Variants in CACNG5 observed in about 807,000 individuals in gnomAD.
CACNG5 encodes the protein calcium voltage-gated channel auxiliary subunit gamma 5.
CACNG5 carries 18 observed loss-of-function variants against 24.8 expected under a neutral mutation model. The observed-to-expected ratio is 0.73, with a 90% CI of 0.50 to 1.08. The LOEUF (loss-of-function observed/expected upper bound fraction) is 1.08, where lower values mean the gene tolerates loss of function less well. CACNG5 is among the 50% of genes least tolerant of loss of function. The pLI is 0.00. For missense variants in CACNG5, 349 were observed against 367.9 expected, an observed-to-expected ratio of 0.95 and a Z score of 0.42; for synonymous variants, 157 against 149.1, an observed-to-expected ratio of 1.05 and a Z score of -0.39.
rs1354776442 is a variant in CACNG5, at chr17:66,891,060, G to A, written c.*5820G>A. Among the ~76,000 whole-genome samples the A allele has an allele frequency of 6.6e-6, 1 of 152,196 alleles. No homozygotes were observed. Among genetic ancestry groups the A allele is most frequent in the African/African-American group, 2.4e-5 (1 of 41,440 alleles). On this transcript the variant is annotated 3_prime_UTR_variant, in exon 6 of 6. Coordinates refer to ENST00000533854, the MANE Select transcript of CACNG5 (RefSeq NM_145811.3). ...AATTCTGCTGCCTTTATCCACGAGTGGGTAGCAAGATGGCAACAGTGATTC... is the reference window on the plus strand; with the variant it reads ...AATTCTGCTGCCTTTATCCACGAGTAGGTAGCAAGATGGCAACAGTGATTC...
At position 66,892,289 on chromosome 17, in the gene CACNG5, C is replaced by T. The variant is rs1358018508; in HGVS notation, c.*7049C>T. 6.6e-6 allele frequency among the ~76,000 whole-genome samples: 1 copy of T among 150,672 alleles called. No homozygotes were observed. The highest frequency in any genetic ancestry group is 1.5e-5 in the Non-Finnish European group (1 of 67,598). On this transcript the variant is annotated 3_prime_UTR_variant, in exon 6 of 6. Coordinates refer to ENST00000533854, the MANE Select transcript of CACNG5 (RefSeq NM_145811.3). ...ATGCCCAGCCCTTCTGCCTCTGAGC[C>T]CTTTCCCCAAGGAGCTGGTATTCAC... is the stretch of plus-strand genomic sequence containing the variant.
intron 1 of CACNG5, among the ~76,000 whole-genome samples, chr17:66,843,013 G>C (rs1397515364): frequency 6.6e-6 from 1 of 152,202 alleles, no homozygotes; most frequent in African/African-American, 2.4e-5. Context: ...TGATGTGTTA[G>C]GACATTTCCG....
chr17:66,858,452 C>T (rs66661540), intron 1 of CACNG5, among the ~76,000 whole-genome samples: 18,035 of 152,110 alleles, frequency 0.12, 1,317 homozygotes, highest in African/African-American at 0.19. Context: ...CTCCTCAACT[C>T]GCAGGACTAA....
intron 1 of CACNG5, among the ~76,000 whole-genome samples, chr17:66,846,572 C>T (rs773429275): frequency 6.6e-6 from 1 of 152,166 alleles, no homozygotes; most frequent in Non-Finnish European, 1.5e-5. Context: ...TGCTTCCTTC[C>T]ATTTTATGGC....
At chr17:66,876,254 G>A (rs1568071101) in intron 1 of CACNG5, among the ~76,000 whole-genome samples, 2 of 152,176 alleles carry the variant, frequency 1.3e-5, no homozygotes, top group Admixed American at 6.5e-5. Context: ...GGCCCCACTT[G>A]AGCTCAATTG....
chr17:66,875,334 C>G lies in CACNG5; in HGVS notation c.-103-1896C>G, dbSNP rs540563796. Among the ~76,000 whole-genome samples the G allele has an allele frequency of 1.6e-4, 24 of 152,288 alleles. No individual in the cohort carries two copies. The South Asian group carries it at 5.0e-3, about 32-fold the overall frequency. On this transcript the variant is annotated intron_variant, in intron 1 of 5. Transcript: ENST00000533854. The stretch of plus-strand genomic sequence containing the variant: ...TTCATTTCTCCCTCCTTTGTCAAAG[C>G]CAACACAGGAAGGATCATTGTGGCT...
rs1485088784 is a variant in CACNG5 at position 66,893,934 on chromosome 17, C to A, written c.*8694C>A. 6.6e-6 allele frequency among the ~76,000 whole-genome samples: 1 copy of A among 152,102 alleles called. No homozygotes were observed. Among genetic ancestry groups the A allele is most frequent in the Admixed American group, 6.5e-5 (1 of 15,274 alleles). On this transcript the variant is annotated 3_prime_UTR_variant, in exon 6 of 6. Transcript: ENST00000533854. The stretch of plus-strand genomic sequence containing the variant: ...TGTGTTAAATTAAGTCTGTCTGAGC[C>A]CCTATTCACCTGGGTGGTGAGAAAT...
chr17:66,859,803 C>T (rs372815516), intron 1 of CACNG5, among the ~76,000 whole-genome samples: 134 of 152,196 alleles, frequency 8.8e-4, no homozygotes, highest in African/African-American at 3.1e-3. Context: ...AAGAAACACT[C>T]GGTTACTTTC....
At chr17:66,844,506 T>G (rs928575202) in intron 1 of CACNG5, among the ~76,000 whole-genome samples, 3 of 152,220 alleles carry the variant, frequency 2.0e-5, no homozygotes, top group African/African-American at 7.2e-5. Context: ...CTCGATATAC[T>G]GATAGCCACT....
intron 4 of CACNG5, among the ~76,000 whole-genome samples, chr17:66,882,501 G>T (rs1203772194): frequency 6.6e-6 from 1 of 152,172 alleles, no homozygotes; most frequent in African/African-American, 2.4e-5. Context: ...ATTACTCATG[G>T]CTGGTGTGTA....
intron 1 of CACNG5, among the ~76,000 whole-genome samples, chr17:66,840,983 T>A (rs1379827143): frequency 1.3e-5 from 2 of 152,218 alleles, no homozygotes; most frequent in Non-Finnish European, 2.9e-5. Flanking sequence ...GGGCAGGCCC[T>A]GTGAACCTCA....
chr17:66,876,109 C>G (rs1395864809), intron 1 of CACNG5, among the ~76,000 whole-genome samples: 1 of 152,244 alleles, frequency 6.6e-6, no homozygotes, highest in African/African-American at 2.4e-5. Flanking sequence ...AGAGAGTCTA[C>G]TTTTCTAACC....
chr17:66,875,829 G>A (rs1258281967), intron 1 of CACNG5, among the ~76,000 whole-genome samples: 1 of 152,204 alleles, frequency 6.6e-6, no homozygotes, highest in African/African-American at 2.4e-5. Flanking sequence ...TAGCAAACTT[G>A]CAGCCAAGGG....
In CACNG5 at chr17:66,893,594, T is replaced by C. The variant is rs1307425860; in HGVS notation, c.*8354T>C. 6.6e-6 allele frequency among the ~76,000 whole-genome samples: 1 copy of C among 152,192 alleles called. No individual in the cohort carries two copies. Among genetic ancestry groups the C allele is most frequent in the African/African-American group, 2.4e-5 (1 of 41,448 alleles). ...ACCAACGTGACCCCAAGGAAAGTGCTGGAGGAATTGGGCTCAGATCCTAGA... is the reference window on the plus strand; with the variant it reads ...ACCAACGTGACCCCAAGGAAAGTGCCGGAGGAATTGGGCTCAGATCCTAGA... On this transcript the variant is annotated 3_prime_UTR_variant, in exon 6 of 6. Transcript: ENST00000533854.
At chr17:66,849,879 A>G (rs1202987386) in intron 1 of CACNG5, among the ~76,000 whole-genome samples, 1 of 152,184 alleles carries the variant, frequency 6.6e-6, no homozygotes, top group Non-Finnish European at 1.5e-5. Context: ...TGCCTTTCCA[A>G]GCTCCTGGGT....
intron 1 of CACNG5, among the ~76,000 whole-genome samples, chr17:66,852,015 A>C (rs537883332): frequency 6.6e-6 from 1 of 152,342 alleles, no homozygotes; most frequent in East Asian, 1.9e-4. Flanking sequence ...ATCGAGTAGG[A>C]AAGATCCACT....
In CACNG5 at chr17:66,869,126, C is replaced by T. The variant is rs566238055; in HGVS notation, c.-103-8104C>T. ...TGAGATGGAGTCTCGCTCTGTCATCCAGGTTGGAGTACAATGGTGCAATCT... is the reference window on the plus strand; with the variant it reads ...TGAGATGGAGTCTCGCTCTGTCATCTAGGTTGGAGTACAATGGTGCAATCT... On this transcript the variant is annotated intron_variant, in intron 1 of 5. Coordinates refer to ENST00000533854, the MANE Select transcript of CACNG5 (RefSeq NM_145811.3). Among the ~76,000 whole-genome samples the T allele has an allele frequency of 1.8e-3, 278 of 152,014 alleles. 4 individuals carry two copies. The highest frequency in any genetic ancestry group is 6.0e-3 in the African/African-American group (248 of 41,410).
rs1266536667 is a variant in CACNG5 at position 66,891,153 on chromosome 17, C to T, written c.*5913C>T. On this transcript the variant is annotated 3_prime_UTR_variant, in exon 6 of 6. Coordinates refer to ENST00000533854, the MANE Select transcript of CACNG5 (RefSeq NM_145811.3). ...GGGTGGTCTTTTTCTCTATGTTTTT[C>T]TAAGGAATAAAGACAACTTTCCCAG... 6.6e-6 allele frequency among the ~76,000 whole-genome samples: 1 copy of T among 152,130 alleles called. No homozygotes were observed. Among genetic ancestry groups the T allele is most frequent in the African/African-American group, 2.4e-5 (1 of 41,430 alleles).
intron 1 of CACNG5, among the ~76,000 whole-genome samples, chr17:66,848,429 A>C (rs1976666404): frequency 6.6e-6 from 1 of 152,196 alleles, no homozygotes; most frequent in African/African-American, 2.4e-5. Flanking sequence ...AACCCGGCTT[A>C]ATCAGCAGTG....
Sources: gnomAD v4.1 joint callset for allele counts (sites outside exome capture counted in the v4.1 genomes callset) on GRCh38, gnomAD v4.1.1 for gene constraint, MANE v1.5 for transcripts, NCBI Gene and HGNC (gene_info 2026-07-23, HGNC 2026-07-21) for gene names.